The following FBXO31 variants were observed in gnomAD, a reference collection of about 807,000 sequenced individuals.
FBXO31 encodes F-box protein 31.
Under a neutral mutation model 54.4 loss-of-function variants are expected in FBXO31, and 24 were observed. The ratio of observed to expected loss-of-function variants is 0.44; its 90% CI spans 0.32 to 0.62. The LOEUF is 0.62. Ranked by LOEUF, FBXO31 falls within the 20% of genes least tolerant of loss-of-function variation. FBXO31 has a pLI of 0.05. For missense variants in FBXO31, 665 were observed against 787.1 expected (o/e 0.84, Z 1.86); for synonymous variants, 388 against 335.6 (o/e 1.16, Z -1.71).
intron 1 of FBXO31, among the ~76,000 whole-genome samples, chr16:87,372,033 G>A (rs564813616): frequency 1.3e-5 from 2 of 152,198 alleles, no homozygotes; most frequent in East Asian, 3.9e-4. Flanking sequence ...AGACCAGTCT[G>A]GACAACATGG....
At chr16:87,366,249 T>C (rs1906364262) in intron 1 of FBXO31, among the ~76,000 whole-genome samples, 1 of 152,234 alleles carries the variant, frequency 6.6e-6, no homozygotes, top group Non-Finnish European at 1.5e-5. Context: ...TTGTTAACTG[T>C]GACAAATATG....
intron 1 of FBXO31, among the ~76,000 whole-genome samples, chr16:87,376,945 C>T (rs556416498): frequency 8.5e-5 from 13 of 152,326 alleles, no homozygotes; most frequent in African/African-American, 3.1e-4. Flanking sequence ...TCTGTATTTC[C>T]AAGCACAATT....
chr16:87,370,695 T>C (rs4843604), intron 1 of FBXO31, among the ~76,000 whole-genome samples: 147,798 of 152,274 alleles, frequency 0.97, 71,876 homozygotes, highest in East Asian at 1. Flanking sequence ...CACTGCTGGG[T>C]CTCAGCCTCC....
intron 1 of FBXO31, chr16:87,367,760 A>G (rs1465637792): frequency 6.6e-6 from 1 of 152,120 alleles, no homozygotes; most frequent in East Asian, 1.9e-4. Flanking sequence ...CCCTGCGCCA[A>G]CGGCCAGATG....
intron 2 of FBXO31, among the ~76,000 whole-genome samples, chr16:87,352,838 G>A (rs186641951): frequency 2.4e-4 from 37 of 152,340 alleles, no homozygotes; most frequent in Middle Eastern, 3.4e-3. Flanking sequence ...AAAGTACCGT[G>A]AAAGGTGAGG....
rs951824581 is a variant in FBXO31 at position 87,338,447 on chromosome 16, A to T, written c.733-2183T>A. Among the ~76,000 whole-genome samples, 3 of 146,286 alleles carry T rather than the reference A, an allele frequency of 2.1e-5. No individual in the cohort carries two copies. Among genetic ancestry groups the T allele is most frequent in the African/African-American group, 7.7e-5 (3 of 38,932 alleles). On this transcript the variant is annotated intron_variant, in intron 5 of 8. Transcript: ENST00000311635. This position sits in a 1 kb window ranked among gnomAD's most constrained non-coding sequence, Gnocchi z 4.3. ...CTCCTTTCACAGGTCTGAGATTTCC[A>T]AAAGCCTCAGTCTTGGGGCGGGGGA...
chr16:87,386,004 CTT>C (rs1305802342), upstream of FBXO31: 2 of 151,370 alleles, frequency 1.3e-5, no homozygotes, highest in Non-Finnish European at 2.9e-5. Flanking sequence ...GAGCAAGACT[CTT>C]TCTCAAAAAA....
At chr16:87,365,450 G>A (rs986129013) in intron 1 of FBXO31, among the ~76,000 whole-genome samples, 9 of 152,208 alleles carry the variant, frequency 5.9e-5, no homozygotes, top group Non-Finnish European at 8.8e-5. Context: ...GTTTTGACAT[G>A]TGATGCTCAG....
intron 1 of FBXO31, among the ~76,000 whole-genome samples, chr16:87,366,092 A>C (rs982111180): frequency 6.6e-6 from 1 of 152,156 alleles, no homozygotes; most frequent in African/African-American, 2.4e-5. Flanking sequence ...AGAGTCTAAC[A>C]AACTGTCACA....
intron 2 of FBXO31, among the ~76,000 whole-genome samples, chr16:87,350,332 A>G (rs1018771987): frequency 6.6e-5 from 10 of 152,198 alleles, no homozygotes; most frequent in African/African-American, 2.4e-4. Flanking sequence ...CCCAAGATTC[A>G]GCCCAGACCA....
upstream of FBXO31, chr16:87,383,814 A>AGCCACGCCCCCGCCGCAGAGCTC (rs978744639): frequency 6.5e-6 from 7 of 1,073,364 alleles, no homozygotes; most frequent in African/African-American, 3.4e-5. This position sits in a 1 kb window ranked among gnomAD's most constrained non-coding sequence, Gnocchi z 4.9. Context: ...GCCAGCGCCG[A>AGCCACGCCCCCGCCGCAGAGCTC]GCCACGCCCC....
At chr16:87,343,543 G>T (rs1364077348) in intron 4 of FBXO31, 55 bp downstream of exon 4, 1 of 1,543,774 alleles carries the variant, frequency 6.5e-7, no homozygotes, top group Non-Finnish European at 8.8e-7. Flanking sequence ...CCTGGCTGGA[G>T]CCCACACAGG....
Position 87,335,249 on chromosome 16 carries a change from C to A in FBXO31, c.996+55G>T. The A allele has an allele frequency of 1.2e-6, 2 of 1,605,494 alleles. No homozygotes were observed. Among genetic ancestry groups the A allele is most frequent in the Non-Finnish European group, 8.5e-7 (1 of 1,179,090 alleles). ...CTGCCCAAGTTCCCTGACTCCACAG[C>A]CCACTTGGGCCAGGTGCCCCCAGAG... On this transcript the variant is annotated intron_variant, in intron 7 of 8. Coordinates refer to ENST00000311635, the MANE Select transcript of FBXO31 (RefSeq NM_024735.5). This position sits in a 1 kb window ranked among gnomAD's most constrained non-coding sequence, Gnocchi z 5.7.
intron 1 of FBXO31, among the ~76,000 whole-genome samples, chr16:87,378,166 AAAAAC>A (rs1018561970): frequency 3.9e-5 from 6 of 152,080 alleles, no homozygotes; most frequent in Non-Finnish European, 8.8e-5. Flanking sequence ...TCTCAAAAAA[AAAAAC>A]AAAACAAAAC....
intron 1 of FBXO31, among the ~76,000 whole-genome samples, chr16:87,375,399 G>C (rs1906780525): frequency 6.6e-6 from 1 of 152,136 alleles, no homozygotes; most frequent in Non-Finnish European, 1.5e-5. Flanking sequence ...GGCTGAGGCA[G>C]AGAAATGCTT....
chr16:87,381,661 A>G (rs2150700008), intron 1 of FBXO31, among the ~76,000 whole-genome samples: 1 of 152,360 alleles, frequency 6.6e-6, no homozygotes, highest in African/African-American at 2.4e-5. Context: ...GCAAACTCAA[A>G]GAGCCCGACA....
intron 2 of FBXO31, among the ~76,000 whole-genome samples, chr16:87,355,378 C>A (rs775369152): frequency 6.6e-6 from 1 of 152,210 alleles, no homozygotes; most frequent in African/African-American, 2.4e-5. Flanking sequence ...TTTTGAGACG[C>A]TCTCCATGAA....
At chr16:87,376,090 C>G (rs990899524) in intron 1 of FBXO31, among the ~76,000 whole-genome samples, 10 of 152,138 alleles carry the variant, frequency 6.6e-5, no homozygotes, top group Non-Finnish European at 1.2e-4. Flanking sequence ...CCCCTGCCCT[C>G]CACTGCCACA....
intron 1 of FBXO31, among the ~76,000 whole-genome samples, chr16:87,379,662 T>A (rs1906987008): frequency 6.6e-6 from 1 of 152,084 alleles, no homozygotes; most frequent in Admixed American, 6.6e-5. Flanking sequence ...ATTTCATCCA[T>A]CAGCCAGGGT....
Sources: gnomAD v4.1 joint callset for allele counts (sites outside exome capture counted in the v4.1 genomes callset) on GRCh38, gnomAD v4.1.1 for gene constraint, Gnocchi (gnomAD v3.1) non-coding constraint, MANE v1.5 for transcripts, NCBI Gene and HGNC (gene_info 2026-07-23, HGNC 2026-07-21) for gene names.